The following TENM1 variants were observed in gnomAD, a reference collection of about 807,000 sequenced individuals.
TENM1 encodes the protein teneurin transmembrane protein 1, also known as teneurin-1.
TENM1 carries 35 observed loss-of-function variants against 174.8 expected under a neutral mutation model. The observed-to-expected ratio is 0.20, with a 90% confidence interval of 0.15 to 0.27. The LOEUF is 0.27. Among genes scored for constraint, TENM1 ranks in the 10% least tolerant of loss-of-function variants. The pLI, the probability that TENM1 is intolerant of heterozygous loss-of-function variation, is 1.00. For missense variants in TENM1, 1,633 were observed against 2,130.1 expected, an observed-to-expected ratio of 0.77 and a Z score of 4.59; for synonymous variants, 781 against 798.7, an observed-to-expected ratio of 0.98 and a Z score of 0.37.
chrX:124,571,876 G>A (rs1481194877), intron 11 of TENM1, among the ~76,000 whole-genome samples: 5 of 111,222 alleles, frequency 4.5e-5, no homozygotes, highest in African/African-American at 1.3e-4. Context: ...AGGAAAAAAG[G>A]GAAACCATCT....
intron 3 of TENM1, among the ~76,000 whole-genome samples, chrX:124,861,004 T>C (rs972408651): frequency 3.6e-5 from 4 of 111,727 alleles, no homozygotes; most frequent in Admixed American, 2.8e-4. Context: ...ATTAGTTTGA[T>C]ATACAAATGA....
intron 11 of TENM1, among the ~76,000 whole-genome samples, chrX:124,616,739 T>C (rs770773428): frequency 7.1e-5 from 8 of 112,256 alleles, no homozygotes; most frequent in Non-Finnish European, 1.1e-4. Context: ...GTGCAGCATC[T>C]AAACATAGTG....
Position 124,800,208 on chromosome X carries a change from T to G in TENM1, c.536-63011A>C, listed in dbSNP as rs80088012. 6.2e-3 allele frequency among the ~76,000 whole-genome samples: 691 copies of G among 111,873 alleles called. 5 individuals are homozygous for G. Among genetic ancestry groups the G allele is most frequent in the African/African-American group, 0.021 (648 of 30,805 alleles). On this transcript the variant is annotated intron_variant, in intron 3 of 31. Transcript: ENST00000422452. ...GCTCCTCTTTGTATCTCTGGTTCAA[T>G]TTGGCTGTAAATCTGTCTGGTCCTG...
In TENM1 at chrX:124,729,470, T is replaced by C. The variant is rs1245384250; in HGVS notation, c.776+7487A>G. ...TAAGTTCACAATAACATAAGTAGTT[T>C]AGTCCAGGGATGTTGGAGTACATAT... On this transcript the variant is annotated intron_variant, in intron 4 of 31. Coordinates refer to ENST00000422452, the Ensembl canonical transcript of TENM1. Among the ~76,000 whole-genome samples the C allele has an allele frequency of 4.5e-5, 5 of 112,327 alleles. No individual in the cohort carries two copies. The Admixed American group carries it at 4.7e-4, about 11-fold the overall frequency.
chrX:124,442,083 T>A (rs1254170843), intron 23 of TENM1, among the ~76,000 whole-genome samples: 1 of 112,361 alleles, frequency 8.9e-6, no homozygotes, highest in Non-Finnish European at 1.9e-5. Context: ...TATATAGCTT[T>A]CATCGTCCCT....
At chrX:125,018,122 T>A in the TENM1 span, among the ~76,000 whole-genome samples, 11 of 112,268 alleles carry the variant, frequency 9.8e-5, no homozygotes, top group Admixed American at 2.8e-4. Flanking sequence ...AGAACTCAGA[T>A]AATTTAAAGT....
chrX:124,692,127 C>A (rs956176401), intron 5 of TENM1, among the ~76,000 whole-genome samples: 14 of 111,605 alleles, frequency 1.3e-4, no homozygotes, highest in Non-Finnish European at 2.1e-4. Context: ...TTTTATGAAA[C>A]CTTGAGAAGA....
chrX:124,887,242 C>T (rs2057405420), intron 3 of TENM1, among the ~76,000 whole-genome samples: 1 of 110,622 alleles, frequency 9.0e-6, no homozygotes, highest in South Asian at 3.8e-4. Flanking sequence ...AAAAAAATAA[C>T]ACATATATAA....
At chrX:124,568,603 C>A (rs2048990850) in intron 11 of TENM1, among the ~76,000 whole-genome samples, 1 of 111,549 alleles carries the variant, frequency 9.0e-6, no homozygotes, top group African/African-American at 3.3e-5. Flanking sequence ...AGGTGGAATT[C>A]TGTTTCTAGT....
chrX:124,558,698 A>T (rs1050723711), intron 14 of TENM1, among the ~76,000 whole-genome samples: 5 of 111,523 alleles, frequency 4.5e-5, no homozygotes, highest in African/African-American at 9.8e-5. Flanking sequence ...AATCTTAGTC[A>T]TGGGGCTTTC....
chrX:124,403,607 C>T (rs2060426794), intron 27 of TENM1, among the ~76,000 whole-genome samples: 2 of 110,785 alleles, frequency 1.8e-5, no homozygotes, highest in African/African-American at 6.6e-5. Context: ...GTTTGACTGC[C>T]TCTCTCTGGA....
At chrX:125,152,252 T>A in the TENM1 span, among the ~76,000 whole-genome samples, 4,494 of 97,811 alleles carry the variant, frequency 0.046, 241 homozygotes, top group African/African-American at 0.15. Context: ...TTTGTATTTT[T>A]AAAAAAAAAA....
At chrX:124,512,998 C>T (rs750421948) in intron 18 of TENM1, among the ~76,000 whole-genome samples, 19 of 111,907 alleles carry the variant, frequency 1.7e-4, no homozygotes, top group African/African-American at 5.8e-4. Flanking sequence ...AATCATTGCT[C>T]TAACTGGACT....
the TENM1 span, among the ~76,000 whole-genome samples, chrX:124,973,863 T>A: frequency 8.9e-6 from 1 of 111,778 alleles, no homozygotes; most frequent in Non-Finnish European, 1.9e-5. Flanking sequence ...CAGGAACAGA[T>A]AACCAAACAC....
chrX:124,560,335 C>T (rs755170709), intron 14 of TENM1, among the ~76,000 whole-genome samples: 15 of 109,044 alleles, frequency 1.4e-4, no homozygotes, highest in Non-Finnish European at 2.9e-4. Context: ...ATTATTCAAC[C>T]TATCCTTCTG....
intron 22 of TENM1, among the ~76,000 whole-genome samples, chrX:124,454,605 A>G (rs2061083944): frequency 1.8e-5 from 2 of 111,277 alleles, no homozygotes; most frequent in East Asian, 2.8e-4. Context: ...GGGTTTCACC[A>G]TGTTGGCCAG....
At chrX:125,185,467 C>T in the TENM1 span, among the ~76,000 whole-genome samples, 3 of 112,112 alleles carry the variant, frequency 2.7e-5, no homozygotes, top group Non-Finnish European at 5.6e-5. Context: ...GAGGTACAGA[C>T]ACAAGCTTAT....
chrX:124,993,561 T>G, the TENM1 span, among the ~76,000 whole-genome samples: 68 of 110,229 alleles, frequency 6.2e-4, no homozygotes, highest in Middle Eastern at 4.6e-3. Flanking sequence ...CCCGCACGAA[T>G]ATTCATTGAG....
chrX:125,022,701 T>C, the TENM1 span, among the ~76,000 whole-genome samples: 2 of 111,497 alleles, frequency 1.8e-5, no homozygotes, highest in African/African-American at 6.5e-5. Context: ...TCGAGCCTAA[T>C]TAATTTAGAA....
Sources: gnomAD v4.1 joint callset for allele counts (sites outside exome capture counted in the v4.1 genomes callset) on GRCh38, gnomAD v4.1.1 for gene constraint, MANE v1.5 for transcripts, NCBI Gene and HGNC (gene_info 2026-07-23, HGNC 2026-07-21) for gene names.